UGGT2: variants seen among roughly 807,000 people sequenced by gnomAD.
UGGT2 encodes UDP-glucose:glycoprotein glucosyltransferase 2.
UGGT2 carries 180 observed loss-of-function variants against 192.1 expected under a neutral mutation model. The observed-to-expected ratio is 0.94, with a 90% CI of 0.83 to 1.06. The LOEUF (loss-of-function observed/expected upper bound fraction) is 1.06, where lower values mean the gene tolerates loss of function less well. UGGT2 is among the 50% of genes least tolerant of loss of function. The pLI, the probability that UGGT2 is intolerant of heterozygous loss-of-function variation, is 0.00. For synonymous variants in UGGT2, 580 were observed against 591.0 expected, an observed-to-expected ratio of 0.98 and a Z score of 0.27; for missense variants, 1,849 against 1,795.7, an observed-to-expected ratio of 1.03 and a Z score of -0.54.
At chr13:96,000,763 T>G (rs908367822) in intron 5 of UGGT2, among the ~76,000 whole-genome samples, 1 of 152,206 alleles carries the variant, frequency 6.6e-6, no homozygotes, top group African/African-American at 2.4e-5. Flanking sequence ...AATTCATATT[T>G]ACTTTCCTCA....
At chr13:95,902,488 T>A (rs905240011) in intron 21 of UGGT2, among the ~76,000 whole-genome samples, 1 of 152,060 alleles carries the variant, frequency 6.6e-6, no homozygotes, top group African/African-American at 2.4e-5. Flanking sequence ...TTTGAATGAA[T>A]AATGATTGTT....
chr13:95,931,000 G>C (rs1026469857), intron 17 of UGGT2, among the ~76,000 whole-genome samples: 3 of 152,178 alleles, frequency 2.0e-5, no homozygotes, highest in Non-Finnish European at 4.4e-5. Context: ...GACCCAAGCG[G>C]GTTGCCACGG....
At chr13:95,949,289 G>T in intron 13 of UGGT2, 46 bp downstream of exon 13, 1 of 1,385,930 alleles carries the variant, frequency 7.2e-7, no homozygotes, top group South Asian at 1.8e-5. Flanking sequence ...AAAGAATGCT[G>T]ATATCTTTAT....
At chr13:95,955,258 C>T (rs1219580037) in intron 12 of UGGT2, among the ~76,000 whole-genome samples, 1 of 152,196 alleles carries the variant, frequency 6.6e-6, no homozygotes, top group East Asian at 1.9e-4. Context: ...GGCCTAAAGT[C>T]TGTGTCCACC....
chr13:95,910,695 C>A (rs1333092607), intron 20 of UGGT2, among the ~76,000 whole-genome samples: 1 of 152,120 alleles, frequency 6.6e-6, no homozygotes, highest in African/African-American at 2.4e-5. Context: ...CAAATGTTAA[C>A]AAGGATATCC....
chr13:96,023,505 A>G (rs1406310384), intron 3 of UGGT2, 124 bp downstream of exon 3: 2 of 919,950 alleles, frequency 2.2e-6, no homozygotes, highest in Non-Finnish European at 3.0e-6. Context: ...ATAATCAATG[A>G]TAGGCTATGG....
chr13:95,881,364 A>C (rs1380341974), intron 27 of UGGT2, among the ~76,000 whole-genome samples: 1 of 152,142 alleles, frequency 6.6e-6, no homozygotes, highest in Non-Finnish European at 1.5e-5. Context: ...TTAAATTTCT[A>C]AGTTTTGCAG....
intron 1 of UGGT2, among the ~76,000 whole-genome samples, chr13:96,037,783 C>G (rs1594622974): frequency 6.6e-6 from 1 of 152,206 alleles, no homozygotes; most frequent in African/African-American, 2.4e-5. Context: ...CTTCCACTTC[C>G]ACACTTACTC....
chr13:95,922,981 C>G (rs559838607), intron 20 of UGGT2, among the ~76,000 whole-genome samples: 1 of 152,216 alleles, frequency 6.6e-6, no homozygotes, highest in Non-Finnish European at 1.5e-5. Flanking sequence ...AATTAACAGC[C>G]ATTTGGAAAG....
chr13:95,837,124 C>T lies in UGGT2; in HGVS notation c.4363G>A (p.Asp1455Asn), dbSNP rs1271359700. 1 of 1,614,068 alleles carries T rather than the reference C, an allele frequency of 6.2e-7. No homozygotes were observed. Among genetic ancestry groups the T allele is most frequent in the South Asian group, 1.1e-5 (1 of 91,070 alleles). ...TTGGCTCTTTGTTTGGATTCATCAT[C>T]ACACCAGGTTTCACACCACAGCCAG... ...QDWLWCETWC[D>N]DESKQRAKTI... is the part of the protein sequence containing the mutation. Residue 1455 changes from aspartate to asparagine, a missense_variant, in exon 37 of 39, where the codon GAT becomes AAT. Coordinates refer to ENST00000376747, the MANE Select transcript of UGGT2 (RefSeq NM_020121.4).
chr13:95,884,767 A>C, intron 26 of UGGT2, 87 bp from the exon 27 acceptor site: 1 of 1,305,628 alleles, frequency 7.7e-7, no homozygotes, highest in Admixed American at 2.6e-5. Context: ...TTGCTTAATG[A>C]TCTGACCAGA....
intron 12 of UGGT2, among the ~76,000 whole-genome samples, chr13:95,967,435 A>C (rs552006432): frequency 1.7e-3 from 248 of 149,604 alleles, no homozygotes; most frequent in Non-Finnish European, 2.6e-3. Flanking sequence ...TACAGGCGTG[A>C]GCCACCACGC....
chr13:95,887,198 A>G (rs979600879), intron 26 of UGGT2: 4 of 439,582 alleles, frequency 9.1e-6, no homozygotes, highest in Admixed American at 2.5e-5. Flanking sequence ...TTTGTTTAGA[A>G]TTACATCATT....
chr13:95,982,865 G>T (rs781255015), intron 10 of UGGT2, among the ~76,000 whole-genome samples: 14 of 152,146 alleles, frequency 9.2e-5, no homozygotes, highest in Non-Finnish European at 1.5e-4. Flanking sequence ...TCCCAGGTAG[G>T]AATGATGTGT....
chr13:95,968,419 T>C (rs974947263), intron 12 of UGGT2, among the ~76,000 whole-genome samples: 4 of 152,206 alleles, frequency 2.6e-5, no homozygotes, highest in Non-Finnish European at 4.4e-5. Context: ...TTTGGATACT[T>C]GTCCCCACCC....
chr13:95,972,499 A>G (rs2050803703), intron 11 of UGGT2, 81 bp downstream of exon 11: 2 of 1,231,116 alleles, frequency 1.6e-6, no homozygotes, highest in Non-Finnish European at 1.2e-6. Flanking sequence ...TGATCTTCAT[A>G]TTTTGACTTA....
chr13:96,036,292 C>T (rs1159263327), intron 1 of UGGT2, among the ~76,000 whole-genome samples: 1 of 152,120 alleles, frequency 6.6e-6, no homozygotes, highest in Non-Finnish European at 1.5e-5. Context: ...CCTCAGCAAA[C>T]TAATGCAGAG....
At chr13:95,904,124 T>C (rs2048197634) in intron 20 of UGGT2, among the ~76,000 whole-genome samples, 1 of 152,078 alleles carries the variant, frequency 6.6e-6, no homozygotes, top group Admixed American at 6.6e-5. Context: ...GATATGCTTC[T>C]CCCATTCTAT....
intron 4 of UGGT2, among the ~76,000 whole-genome samples, chr13:96,013,811 A>G (rs1027852687): frequency 2.0e-4 from 30 of 152,246 alleles, no homozygotes; most frequent in African/African-American, 7.2e-4. Flanking sequence ...ATTACAGCTC[A>G]TATTTCCTGA....
Sources: gnomAD v4.1 joint callset for allele counts (sites outside exome capture counted in the v4.1 genomes callset) on GRCh38, gnomAD v4.1.1 for gene constraint, MANE v1.5 for transcripts, NCBI Gene and HGNC (gene_info 2026-07-23, HGNC 2026-07-21) for gene names.